Variants in RBFOX1 observed in about 807,000 individuals in gnomAD.
The protein encoded by RBFOX1 is RNA binding fox-1 homolog 1.
RBFOX1 carries 8 observed loss-of-function variants against 57.7 expected under a neutral mutation model. That is an observed-to-expected ratio of 0.14 (90% CI 0.08 to 0.25). RBFOX1 has a LOEUF of 0.25. Among genes scored for constraint, RBFOX1 ranks in the 10% least tolerant of loss-of-function variants. The probability of loss-of-function intolerance (pLI) is 1.00; values close to 1 mark genes in which losing one functional copy is unlikely to be tolerated. For synonymous variants in RBFOX1, 326 were observed against 222.4 expected (o/e 1.47, Z -4.15); for missense variants, 611 against 548.5 (o/e 1.11, Z -1.14).
chr16:6,374,375 T>G (rs960697786), intron 2 of RBFOX1, among the ~76,000 whole-genome samples: 20 of 152,204 alleles, frequency 1.3e-4, no homozygotes, highest in Non-Finnish European at 5.9e-5. Context: ...GGATAGACAT[T>G]CTGAATACCT....
chr16:5,816,659 C>T (rs1198101711), intron 3 of RBFOX1, among the ~76,000 whole-genome samples: 3 of 152,052 alleles, frequency 2.0e-5, no homozygotes, highest in Non-Finnish European at 4.4e-5. Flanking sequence ...TGGATTGTGC[C>T]TATAGTCCCA....
chr16:6,806,838 T>TATA (rs1567331467), intron 3 of RBFOX1, among the ~76,000 whole-genome samples: 60 of 48,084 alleles, frequency 1.2e-3, no homozygotes, highest in African/African-American at 4.6e-3. Flanking sequence ...ATATATATAT[T>TATA]TTTTTTTTTT....
At chr16:6,695,895 G>T (rs2060968971) in intron 3 of RBFOX1, among the ~76,000 whole-genome samples, 1 of 152,160 alleles carries the variant, frequency 6.6e-6, no homozygotes, top group African/African-American at 2.4e-5. Context: ...GAATCTATGG[G>T]AGGAAATTGC....
intron 4 of RBFOX1, among the ~76,000 whole-genome samples, chr16:7,109,814 C>T (rs528593301): frequency 1.3e-5 from 2 of 152,136 alleles, no homozygotes; most frequent in Non-Finnish European, 1.5e-5. Flanking sequence ...TTGACACCTT[C>T]TTGGCACAGC....
chr16:7,304,422 G>T (rs971637176), intron 4 of RBFOX1: 8 of 985,360 alleles, frequency 8.1e-6, no homozygotes, highest in Middle Eastern at 1.0e-3. Context: ...CCTGCGTGGC[G>T]CTCCCCAACG....
At chr16:7,147,473 C>A (rs1333500388) in intron 4 of RBFOX1, among the ~76,000 whole-genome samples, 2 of 152,038 alleles carry the variant, frequency 1.3e-5, no homozygotes, top group African/African-American at 4.8e-5. Flanking sequence ...CCTTCCCACT[C>A]CCCTGCATCT....
At chr16:6,953,936 C>G (rs981376099) in intron 3 of RBFOX1, among the ~76,000 whole-genome samples, 2 of 152,136 alleles carry the variant, frequency 1.3e-5, no homozygotes, top group African/African-American at 2.4e-5. Context: ...TCTTTCCTGA[C>G]AGAGGAGTAA....
At chr16:5,839,844 C>G (rs1233199870) in intron 3 of RBFOX1, among the ~76,000 whole-genome samples, 5 of 152,100 alleles carry the variant, frequency 3.3e-5, no homozygotes, top group Non-Finnish European at 4.4e-5. Flanking sequence ...AGAAGATGCC[C>G]TCACCAGTAG....
intron 2 of RBFOX1, among the ~76,000 whole-genome samples, chr16:5,570,181 C>G (rs13338773): frequency 0.019 from 2,865 of 152,064 alleles, 101 homozygotes; most frequent in African/African-American, 0.064. Context: ...CTCACTCTCT[C>G]TTTTTTTTCC....
intron 3 of RBFOX1, among the ~76,000 whole-genome samples, chr16:6,975,972 C>G (rs1346337679): frequency 4.0e-5 from 6 of 151,890 alleles, no homozygotes; most frequent in East Asian, 1.9e-4. Context: ...CTAAAAAATA[C>G]AAAAATTAGC....
chr16:7,506,233 A>C (rs2073248719), intron 4 of RBFOX1, among the ~76,000 whole-genome samples: 1 of 149,454 alleles, frequency 6.7e-6, no homozygotes, highest in Non-Finnish European at 1.5e-5. Flanking sequence ...GTAAGCTGGC[A>C]TAGTTACCAG....
intron 3 of RBFOX1, among the ~76,000 whole-genome samples, chr16:6,786,020 G>A (rs180685668): frequency 6.6e-6 from 1 of 152,312 alleles, no homozygotes; most frequent in Non-Finnish European, 1.5e-5. Flanking sequence ...CTTGAGCTTA[G>A]AGACACACAC....
intron 3 of RBFOX1, among the ~76,000 whole-genome samples, chr16:5,853,638 C>T (rs1285557491): frequency 6.6e-6 from 1 of 152,220 alleles, no homozygotes; most frequent in Non-Finnish European, 1.5e-5. Context: ...GAAAAGACAG[C>T]CCAGCTTGGC....
At chr16:7,012,797 T>C (rs1011186719) in intron 3 of RBFOX1, among the ~76,000 whole-genome samples, 11 of 152,172 alleles carry the variant, frequency 7.2e-5, no homozygotes, top group African/African-American at 2.7e-4. Context: ...TTTAACAAAC[T>C]GATATCTTAG....
chr16:6,964,107 C>G (rs534544482), intron 3 of RBFOX1, among the ~76,000 whole-genome samples: 3 of 152,038 alleles, frequency 2.0e-5, no homozygotes, highest in African/African-American at 4.8e-5. Flanking sequence ...CAACCTCCGC[C>G]TCCCGAATCA....
intron 4 of RBFOX1, among the ~76,000 whole-genome samples, chr16:7,088,032 A>T (rs558175968): frequency 3.9e-5 from 6 of 152,304 alleles, no homozygotes; most frequent in African/African-American, 1.4e-4. Flanking sequence ...GGTATAGTAC[A>T]TGTGCTCGCA....
intron 5 of RBFOX1, among the ~76,000 whole-genome samples, chr16:7,521,398 G>A (rs1403244024): frequency 6.6e-6 from 1 of 152,202 alleles, no homozygotes; most frequent in Non-Finnish European, 1.5e-5. Context: ...GTTTAAGCCA[G>A]AAGAGTTATG....
chr16:5,334,715 T>C (rs192134540), intron 1 of RBFOX1, among the ~76,000 whole-genome samples: 117 of 151,994 alleles, frequency 7.7e-4, no homozygotes, highest in African/African-American at 2.6e-3. Context: ...AATATAATTA[T>C]AGGGTTCATA....
chr16:6,961,667 G>A (rs1364460883), intron 3 of RBFOX1, among the ~76,000 whole-genome samples: 2 of 152,114 alleles, frequency 1.3e-5, no homozygotes, highest in Admixed American at 1.3e-4. Context: ...TGAGTTTTCT[G>A]GGAAAGGGGT....
Sources: allele counts gnomAD v4.1 joint callset (sites outside exome capture counted in the v4.1 genomes callset), GRCh38; gene constraint gnomAD v4.1.1; transcripts MANE v1.5; gene names NCBI Gene and HGNC (gene_info 2026-07-23, HGNC 2026-07-21).